Variants in SPTLC3 observed in about 807,000 individuals in gnomAD.
SPTLC3 encodes the protein serine palmitoyltransferase 3.
SPTLC3 carries 36 observed loss-of-function variants against 59.3 expected under a neutral mutation model. That is an observed-to-expected ratio of 0.61 (90% CI 0.47 to 0.80). SPTLC3 has a LOEUF of 0.80. SPTLC3 is among the 30% of genes least tolerant of loss of function. The pLI, the probability that SPTLC3 is intolerant of heterozygous loss-of-function variation, is 0.00. For synonymous variants in SPTLC3, 257 were observed against 240.8 expected, an observed-to-expected ratio of 1.07 and a Z score of -0.62; for missense variants, 625 against 685.1, an observed-to-expected ratio of 0.91 and a Z score of 0.98.
At chr20:13,066,797 G>A (rs187236) in intron 2 of SPTLC3, among the ~76,000 whole-genome samples, 114,595 of 150,832 alleles carry the variant, frequency 0.76, 43,982 homozygotes, top group African/African-American at 0.88. Flanking sequence ...TTCCTCCTTA[G>A]TCTCCTTATT....
chr20:13,034,567 A>G (rs940356879), intron 1 of SPTLC3, among the ~76,000 whole-genome samples: 54 of 152,164 alleles, frequency 3.5e-4, no homozygotes, highest in Admixed American at 1.4e-3. Context: ...TAACTGGAAA[A>G]TTTATTTTCC....
At chr20:13,151,312 T>C (rs948379884) in intron 9 of SPTLC3, among the ~76,000 whole-genome samples, 4 of 152,246 alleles carry the variant, frequency 2.6e-5, no homozygotes, top group Non-Finnish European at 4.4e-5. Flanking sequence ...TTATATTTAT[T>C]GTCTCTTTTT....
chr20:13,158,494 C>G (rs2038823955), intron 10 of SPTLC3, among the ~76,000 whole-genome samples: 1 of 152,154 alleles, frequency 6.6e-6, no homozygotes, highest in African/African-American at 2.4e-5. Flanking sequence ...GTCCTGAAAA[C>G]TGGCCTGAGA....
At chr20:13,111,465 G>A (rs1350398345) in intron 7 of SPTLC3, among the ~76,000 whole-genome samples, 1 of 152,216 alleles carries the variant, frequency 6.6e-6, no homozygotes, top group Non-Finnish European at 1.5e-5. Flanking sequence ...TACGATGCAT[G>A]GGACAGCCCC....
intron 4 of SPTLC3, among the ~76,000 whole-genome samples, chr20:13,085,289 A>G (rs1026179577): frequency 2.0e-5 from 3 of 152,170 alleles, no homozygotes; most frequent in African/African-American, 7.2e-5. Flanking sequence ...CATAACCTCC[A>G]TTAGACTGGA....
chr20:13,033,362 G>A (rs1435888954), intron 1 of SPTLC3, among the ~76,000 whole-genome samples: 1 of 152,132 alleles, frequency 6.6e-6, no homozygotes, highest in African/African-American at 2.4e-5. Context: ...AGGCGGTAAG[G>A]ACTCTGTTCC....
In SPTLC3 at chr20:13,042,377, T is replaced by C. The variant is rs150996041; in HGVS notation, c.118-6568T>C. Among the ~76,000 whole-genome samples, 427 of 152,320 alleles carry C rather than the reference T, an allele frequency of 2.8e-3. 4 individuals carry two copies. Among genetic ancestry groups the C allele is most frequent in the African/African-American group, 9.5e-3 (394 of 41,568 alleles). On this transcript the variant is annotated intron_variant, in intron 1 of 11. Coordinates refer to ENST00000399002, the MANE Select transcript of SPTLC3 (RefSeq NM_018327.4). ...CACTGCTTCAGAGCTAGGGAAAGGATAGTAGCTCTAGGTGGGGCAATACCT... is the reference window on the plus strand; with the variant it reads ...CACTGCTTCAGAGCTAGGGAAAGGACAGTAGCTCTAGGTGGGGCAATACCT...
At chr20:13,130,223 C>T (rs1435972791) in intron 9 of SPTLC3, among the ~76,000 whole-genome samples, 1 of 152,130 alleles carries the variant, frequency 6.6e-6, no homozygotes, top group Non-Finnish European at 1.5e-5. Context: ...ATTAGCTCAC[C>T]CCTTTCTGCA....
intron 11 of SPTLC3, among the ~76,000 whole-genome samples, chr20:13,163,987 T>C (rs1457436886): frequency 6.6e-6 from 1 of 152,174 alleles, no homozygotes; most frequent in South Asian, 2.1e-4. Context: ...ATGTGCCATG[T>C]TGGTGTGCTG....
chr20:13,147,524 G>C (rs2122922065), intron 9 of SPTLC3, among the ~76,000 whole-genome samples: 1 of 152,274 alleles, frequency 6.6e-6, no homozygotes, highest in South Asian at 2.1e-4. Context: ...CTGCCCCCTT[G>C]CCAAGCCAGG....
At chr20:13,130,439 T>A (rs984273758) in intron 9 of SPTLC3, among the ~76,000 whole-genome samples, 2 of 152,238 alleles carry the variant, frequency 1.3e-5, no homozygotes, top group Non-Finnish European at 2.9e-5. Context: ...TGTTCCTTGA[T>A]GAATGTCTTC....
At chr20:13,137,594 C>T (rs2038277909) in intron 9 of SPTLC3, among the ~76,000 whole-genome samples, 1 of 152,100 alleles carries the variant, frequency 6.6e-6, no homozygotes, top group South Asian at 2.1e-4. Flanking sequence ...CTGCTGAGAA[C>T]ATCAGAGAGG....
rs957928749 is a variant in SPTLC3 at position 13,167,936 on chromosome 20, C to A, written c.*3069C>A. The A allele has an allele frequency of 1.8e-4, 28 of 152,138 alleles. No individual in the cohort carries two copies. Among genetic ancestry groups the A allele is most frequent in the African/African-American group, 6.8e-4 (28 of 41,420 alleles). 9.4% of individuals were successfully genotyped at this position (152,138 alleles called of 1,614,324 possible). On this transcript the variant is annotated 3_prime_UTR_variant, in exon 12 of 12. Transcript: ENST00000399002. ...TAATAGCAGGAACCTTGTTCTGATT[C>A]TCTTGTTCATAATTAAGTGTATATA...
rs1247591261 is a variant in SPTLC3, at chr20:13,161,584, G to A, written c.1545+1452G>A. 2.0e-5 allele frequency among the ~76,000 whole-genome samples: 3 copies of A among 152,266 alleles called. No homozygotes were observed. In the East Asian group the frequency reaches 5.8e-4, roughly 29 times the overall value. ...AGCAGTCAGGAAAGACATGTTCAGT[G>A]TAGTATTAAACTCCATACAGAGGAG... On this transcript the variant is annotated intron_variant, in intron 11 of 11. Transcript: ENST00000399002.
At chr20:13,037,131 A>G (rs768270454) in intron 1 of SPTLC3, among the ~76,000 whole-genome samples, 31 of 152,082 alleles carry the variant, frequency 2.0e-4, no homozygotes, top group Non-Finnish European at 3.7e-4. Context: ...TCTGGAGAAA[A>G]ACAGAGACAT....
chr20:13,074,534 A>G, intron 4 of SPTLC3, 37 bp downstream of exon 4: 2 of 1,583,028 alleles, frequency 1.3e-6, no homozygotes, highest in Non-Finnish European at 1.7e-6. Context: ...TTTTGCTGTT[A>G]GGTCTCAGAT....
At chr20:13,045,011 AC>A in intron 1 of SPTLC3, among the ~76,000 whole-genome samples, 1 of 151,582 alleles carries the variant, frequency 6.6e-6, no homozygotes, top group African/African-American at 2.4e-5. Context: ...ACACACACAC[AC>A]ACACACACAC....
intron 9 of SPTLC3, among the ~76,000 whole-genome samples, chr20:13,137,316 G>C (rs954013183): frequency 6.6e-6 from 1 of 152,144 alleles, no homozygotes; most frequent in Non-Finnish European, 1.5e-5. Context: ...CTACTTGCAC[G>C]TTACACACTG....
chr20:13,009,149 A>G lies in SPTLC3; in HGVS notation c.-119A>G, dbSNP rs558054547. 2.7e-6 allele frequency: 2 copies of G among 736,798 alleles called. No individual in the cohort carries two copies. The highest frequency in any genetic ancestry group is 5.0e-5 in the East Asian group (2 of 39,628). The allele number at this position is 736,798 out of a possible 1,614,324, so 45.6% of individuals were successfully genotyped here. A position where few individuals can be genotyped will look rare whatever the true frequency, so the allele number is the denominator to read the frequency against. ...CTTCTTCTGGAAAAGCCTGATTGGT[A>G]AGATTCCTTTAAGGGCTCAGCCCCA... is the stretch of plus-strand genomic sequence containing the variant. On this transcript the variant is annotated 5_prime_UTR_variant, in exon 1 of 12. Coordinates refer to ENST00000399002, the MANE Select transcript of SPTLC3 (RefSeq NM_018327.4).
Sources: allele counts gnomAD v4.1 joint callset (sites outside exome capture counted in the v4.1 genomes callset), GRCh38; gene constraint gnomAD v4.1.1; transcripts MANE v1.5; gene names NCBI Gene and HGNC (gene_info 2026-07-23, HGNC 2026-07-21).